The following F5 variants were observed in gnomAD, a reference collection of about 807,000 sequenced individuals.
The protein encoded by F5 is activated protein c cofactor.
F5 carries 138 observed loss-of-function variants against 216.4 expected under a neutral mutation model. That is an observed-to-expected ratio of 0.64 (90% confidence interval 0.56 to 0.73). F5 has a LOEUF of 0.73. Ranked by LOEUF, F5 falls within the 30% of genes least tolerant of loss-of-function variation. The probability of loss-of-function intolerance (pLI) is 0.00; values close to 1 mark genes in which losing one functional copy is unlikely to be tolerated. For synonymous variants in F5, 916 were observed against 930.7 expected (o/e 0.98, Z 0.29); for missense variants, 2,403 against 2,674.0 (o/e 0.90, Z 2.24).
intron 24 of F5, among the ~76,000 whole-genome samples, chr1:169,515,123 C>T (rs889494006): frequency 6.6e-6 from 1 of 152,098 alleles, no homozygotes; most frequent in Non-Finnish European, 1.5e-5. Flanking sequence ...TACCTTATAT[C>T]CTCAACTAAA....
chr1:169,550,098 C>T (rs960440281), intron 9 of F5, 83 bp from the exon 10 acceptor site: 3 of 1,100,662 alleles, frequency 2.7e-6, no homozygotes, highest in Non-Finnish European at 2.8e-6. Flanking sequence ...TTCGCTGGAA[C>T]CAATTAATAT....
rs963693115 is a variant in F5, at chr1:169,544,510, T to C, written c.1763-2A>G. On this transcript the variant is annotated splice_acceptor_variant, in intron 11 of 24. Transcript: ENST00000367797. LOFTEE classifies it high-confidence loss of function. ...TCTCAGGCACATAGCCATTGATAGC[T>C]GAAAGTGTAAAATCTGTTAAAATTC... The C allele has an allele frequency of 8.7e-6, 14 of 1,612,954 alleles. No individual in the cohort carries two copies. Among genetic ancestry groups the C allele is most frequent in the African/African-American group, 1.3e-5 (1 of 75,034 alleles).
intron 6 of F5, among the ~76,000 whole-genome samples, chr1:169,556,331 T>G (rs1660324185): frequency 6.8e-6 from 1 of 147,792 alleles, no homozygotes; most frequent in Non-Finnish European, 1.5e-5. Flanking sequence ...GCATATGAAG[T>G]AACCCGAAGA....
At chr1:169,580,576 G>A (rs1015781693) in intron 2 of F5, among the ~76,000 whole-genome samples, 1 of 151,938 alleles carries the variant, frequency 6.6e-6, no homozygotes, top group African/African-American at 2.4e-5. Flanking sequence ...TAGAGGCGGG[G>A]TTTCACCATG....
chr1:169,559,285 C>T lies in F5; in HGVS notation c.598G>A (p.Glu200Lys). Residue 200 changes from glutamate (E) to lysine (K), a missense_variant, in exon 5 of 25, where the codon GAG becomes AAG. By Grantham distance (56) the Glu-to-Lys change is moderately conservative. This residue lies in a region of F5 where 1,425 missense variants were observed against 1,554.8 expected (regional missense o/e 0.92). Transcript: ENST00000367797. ...TCAAACGTCTTCTGTGTCCCACCCTCAGTTAGGGTCCCTATGAAAGGAAAG... is the reference window on the plus strand; with the variant it reads ...TCAAACGTCTTCTGTGTCCCACCCTTAGTTAGGGTCCCTATGAAAGGAAAG... ...LLICKKGTLT[E>K]GGTQKTFDKQ... 1 of 1,613,646 alleles carries T rather than the reference C, an allele frequency of 6.2e-7. No individual in the cohort carries two copies. The highest frequency in any genetic ancestry group is 8.5e-7 in the Non-Finnish European group (1 of 1,179,704).
chr1:169,524,781 T>G, intron 19 of F5, 56 bp downstream of exon 19: 1 of 1,370,754 alleles, frequency 7.3e-7, no homozygotes, highest in Non-Finnish European at 1.0e-6. Flanking sequence ...TTTCATAGGC[T>G]GCATGCTGCA....
In F5 at chr1:169,586,263, T is replaced by A; in HGVS notation, c.124A>T (p.Ser42Cys). ...GTGGGCTCAGGTCGGTAGCTCCAAC[T>A]GATGCCCTGAGCAGCCACGTAGAAC... ...RQFYVAAQGI[S>C]WSYRPEPTNS... The change falls in exon 1 of 25, where the codon AGT becomes TGT. Residue 42 changes from serine (S) to cysteine (C), a missense_variant. Physicochemically the swap from Ser to Cys is moderately radical, Grantham distance 112. This residue lies in a region of F5 where 1,425 missense variants were observed against 1,554.8 expected (regional missense o/e 0.92). Coordinates refer to ENST00000367797, the MANE Select transcript of F5 (RefSeq NM_000130.5). 6.2e-7 allele frequency: 1 copy of A among 1,614,212 alleles called. No individual in the cohort carries two copies. Among genetic ancestry groups the A allele is most frequent in the South Asian group, 1.1e-5 (1 of 91,084 alleles).
chr1:169,530,278 G>C (rs977621326), intron 15 of F5, among the ~76,000 whole-genome samples: 1 of 152,180 alleles, frequency 6.6e-6, no homozygotes, highest in Non-Finnish European at 1.5e-5. Context: ...TGCATTGACA[G>C]GGTAAAAATT....
At position 169,513,625 on chromosome 1, in the gene F5, A is replaced by G. The variant is rs1001076435; in HGVS notation, c.*688T>C. ...TTGAAACTGTGTGCCATGTAGTACC[A>G]GCTAGAATAAAGCCAACATTACACA... On this transcript the variant is annotated 3_prime_UTR_variant, in exon 25 of 25. Transcript: ENST00000367797. 6.6e-6 allele frequency among the ~76,000 whole-genome samples: 1 copy of G among 152,240 alleles called. No individual in the cohort carries two copies. The highest frequency in any genetic ancestry group is 1.5e-5 in the Non-Finnish European group (1 of 67,994).
chr1:169,518,634 A>G, intron 22 of F5, 71 bp from the exon 23 acceptor site: 1 of 1,514,506 alleles, frequency 6.6e-7, no homozygotes, highest in Admixed American at 1.7e-5. Flanking sequence ...ACTGCAGAGG[A>G]GATAAGAAAT....
In F5 at chr1:169,542,314, C is replaced by T; in HGVS notation, c.2776G>A (p.Asp926Asn). Residue 926 changes from aspartate to asparagine, a missense_variant, in exon 13 of 25, where the codon GAC becomes AAC. By Grantham distance (23) the Asp-to-Asn change is conservative (BLOSUM62 1). Coordinates refer to ENST00000367797, the MANE Select transcript of F5 (RefSeq NM_000130.5). ...GSPSRMRPWK[D>N]PPSDLLLLKQ... ...AAGAGTAACAGATCACTAGGAGGGTCCTTCCAGGGCCTCATTCTGGAAGGA... is the reference window on the plus strand; with the variant it reads ...AAGAGTAACAGATCACTAGGAGGGTTCTTCCAGGGCCTCATTCTGGAAGGA... The T allele has an allele frequency of 6.3e-7, 1 of 1,599,276 alleles. No individual in the cohort carries two copies.
chr1:169,546,654 T>C, intron 10 of F5, 62 bp from the exon 11 acceptor site: 1 of 1,473,468 alleles, frequency 6.8e-7, no homozygotes, highest in Non-Finnish European at 9.5e-7. Flanking sequence ...TGGAACAGAA[T>C]AGAGAACTCA....
chr1:169,556,705 A>G lies in F5; in HGVS notation c.893T>C (p.Met298Thr). The change falls in exon 6 of 25, where the codon ATG becomes ACG. Residue 298 changes from methionine to threonine, a missense_variant. This residue lies in a region of F5 where 1,425 missense variants were observed against 1,554.8 expected (regional missense o/e 0.92). Coordinates refer to ENST00000367797, the MANE Select transcript of F5 (RefSeq NM_000130.5). ...LVSATSTTAN[M>T]TVGPEGKWII... ...CCACTTTCCCTCTGGGCCCACAGTC[A>G]TATTTGCGGTAGTGGATGTAGCACT... 1.2e-6 allele frequency: 2 copies of G among 1,614,084 alleles called. No individual in the cohort carries two copies. The highest frequency in any genetic ancestry group is 1.3e-5 in the African/African-American group (1 of 75,022).
At chr1:169,565,276 G>A (rs2236870) in intron 3 of F5, among the ~76,000 whole-genome samples, 41,533 of 151,944 alleles carry the variant, frequency 0.27, 6,022 homozygotes, top group South Asian at 0.36. Context: ...GTGAGATTAT[G>A]TGACTAATTC....
intron 2 of F5, among the ~76,000 whole-genome samples, chr1:169,575,122 T>C (rs921832373): frequency 2.0e-5 from 3 of 152,168 alleles, no homozygotes; most frequent in South Asian, 2.1e-4. Context: ...TGGAATCTAG[T>C]CCAATTGGAG....
At chr1:169,578,538 T>C (rs895437277) in intron 2 of F5, among the ~76,000 whole-genome samples, 50 of 152,342 alleles carry the variant, frequency 3.3e-4, no homozygotes, top group African/African-American at 1.2e-3. Context: ...TTTGCTTAGC[T>C]TGGCAAAAGC....
chr1:169,563,907 T>C (rs913696799), intron 3 of F5, among the ~76,000 whole-genome samples: 1 of 152,164 alleles, frequency 6.6e-6, no homozygotes, highest in African/African-American at 2.4e-5. Flanking sequence ...GTCATCTCTT[T>C]CTGCTTCTTC....
At chr1:169,567,542 CTTTTT>C (rs35544182) in intron 3 of F5, among the ~76,000 whole-genome samples, 3 of 141,392 alleles carry the variant, frequency 2.1e-5, no homozygotes, top group Admixed American at 6.9e-5. Flanking sequence ...GGTAAAAGTA[CTTTTT>C]TTTTTTTTTT....
intron 13 of F5, among the ~76,000 whole-genome samples, chr1:169,537,702 C>T (rs943691910): frequency 6.6e-6 from 1 of 151,992 alleles, no homozygotes; most frequent in African/African-American, 2.4e-5. Context: ...AGAAGACATA[C>T]AAATGACCAA....
Sources: allele counts gnomAD v4.1 joint callset (sites outside exome capture counted in the v4.1 genomes callset), GRCh38; gene constraint gnomAD v4.1.1; regional missense constraint gnomAD v4.1.1; transcripts MANE v1.5; gene names NCBI Gene and HGNC (gene_info 2026-07-23, HGNC 2026-07-21).